Variants in TECR observed in about 807,000 individuals in gnomAD.
TECR encodes trans-2,3-enoyl-CoA reductase.
TECR carries 19 observed loss-of-function variants against 50.6 expected under a neutral mutation model. That is an observed-to-expected ratio of 0.38 (90% CI 0.26 to 0.55). The LOEUF (loss-of-function observed/expected upper bound fraction) is 0.55. TECR is among the 20% of genes least tolerant of loss of function. The pLI is 0.79. For synonymous variants in TECR, 168 were observed against 163.5 expected (o/e 1.03, Z -0.21); for missense variants, 313 against 408.3 (o/e 0.77, Z 2.01).
chr19:14,544,930 G>T (rs2073248889), intron 1 of TECR, among the ~76,000 whole-genome samples: 1 of 152,074 alleles, frequency 6.6e-6, no homozygotes, highest in African/African-American at 2.4e-5. Context: ...ACCATGCCCA[G>T]CACGTGGCTT....
chr19:14,562,995 G>A lies in TECR; in HGVS notation c.67-211G>A, dbSNP rs1049024450. The A allele has an allele frequency of 6.4e-6, 4 of 627,790 alleles. No individual in the cohort carries two copies. In the Admixed American group the frequency reaches 1.2e-4, roughly 18 times the overall value. 38.9% of individuals were successfully genotyped at this position (627,790 alleles called of 1,614,324 possible). On this transcript the variant is annotated intron_variant, in intron 2 of 12. Transcript: ENST00000215567. ...CCGGGCTGGGGGCCTGCTGGCTGAG[G>A]GTAAAAGTGGAGCCCCAGACCCCTG...
At chr19:14,551,645 C>T (rs2073509669) in intron 1 of TECR, among the ~76,000 whole-genome samples, 1 of 152,000 alleles carries the variant, frequency 6.6e-6, no homozygotes, top group Non-Finnish European at 1.5e-5. Flanking sequence ...AGCTGTAAAC[C>T]CTGCCTGGGC....
chr19:14,563,203 C>T lies in TECR; in HGVS notation c.67-3C>T. The T allele has an allele frequency of 6.2e-7, 1 of 1,614,014 alleles. No individual in the cohort carries two copies. Among genetic ancestry groups the T allele is most frequent in the Non-Finnish European group, 8.5e-7 (1 of 1,179,928 alleles). On this transcript the variant is annotated splice_polypyrimidine_tract_variant and splice_region_variant and intron_variant, in intron 2 of 12. Transcript: ENST00000215567. The surrounding 1 kb of genome is among the most constrained non-coding windows in gnomAD (Gnocchi z 5.3). ...GACGTCCCTGCGCCTGTGCTTCCCC[C>T]AGGTGGAGCCCCACGCCACCATTGC...
rs1335600143 is a variant in TECR at position 14,562,590 on chromosome 19, T to G, written c.66+15T>G. The G allele has an allele frequency of 1.2e-6, 2 of 1,614,066 alleles. No homozygotes were observed. The highest frequency in any genetic ancestry group is 1.7e-6 in the Non-Finnish European group (2 of 1,179,962). On this transcript the variant is annotated intron_variant, in intron 2 of 12. Transcript: ENST00000215567. ...TCTTGGACAAGGTAGGACTGGGGCGTGGGCTGCACTGGGCCAAGGGCACTG... is the reference window on the plus strand; with the variant it reads ...TCTTGGACAAGGTAGGACTGGGGCGGGGGCTGCACTGGGCCAAGGGCACTG...
intron 1 of TECR, among the ~76,000 whole-genome samples, chr19:14,549,870 C>T (rs1457726380): frequency 6.6e-6 from 1 of 151,662 alleles, no homozygotes; most frequent in African/African-American, 2.4e-5. Flanking sequence ...TGGAACTCGG[C>T]ATGCGGAGGT....
chr19:14,556,413 A>AAAAAACAAAAACAAAAAC (rs71166757), intron 1 of TECR, among the ~76,000 whole-genome samples: 9 of 86,514 alleles, frequency 1.0e-4, no homozygotes, highest in African/African-American at 1.9e-4. Flanking sequence ...TCTCTCAAAA[A>AAAAAACAAAAACAAAAAC]AAAAACAAAA....
chr19:14,563,162 G>T lies in TECR; in HGVS notation c.67-44G>T, dbSNP rs373146902. 1.3e-5 allele frequency: 21 copies of T among 1,613,658 alleles called. No individual in the cohort carries two copies. In the African/African-American group the frequency reaches 2.5e-4, roughly 19 times the overall value. ...TTAGTACCTCCCCATCCTGAGTCTG[G>T]GCTCCCCGCAGAGCTGACGTCCCTG... is the stretch of plus-strand genomic sequence containing the variant. On this transcript the variant is annotated intron_variant, in intron 2 of 12. Coordinates refer to ENST00000215567, the MANE Select transcript of TECR (RefSeq NM_138501.6). This position sits in a 1 kb window ranked among gnomAD's most constrained non-coding sequence, Gnocchi z 5.3.
rs2073960178 is a variant in TECR, at chr19:14,563,308, C to T, written c.118+51C>T. 3 of 1,528,934 alleles carry T rather than the reference C, an allele frequency of 2.0e-6. No homozygotes were observed. The highest frequency in any genetic ancestry group is 2.7e-6 in the Non-Finnish European group (3 of 1,106,306). 94.7% of individuals were successfully genotyped at this position (1,528,934 alleles called of 1,614,324 possible). ...CCCCTGCAACCCCTTTGACCAGGGA[C>T]CTTAGGGTGGGAGGGATCCCATCCT... On this transcript the variant is annotated intron_variant, in intron 3 of 12. Coordinates refer to ENST00000215567, the MANE Select transcript of TECR (RefSeq NM_138501.6). The surrounding 1 kb of genome is among the most constrained non-coding windows in gnomAD (Gnocchi z 5.3).
chr19:14,547,588 C>T (rs2073348216), intron 1 of TECR, among the ~76,000 whole-genome samples: 1 of 152,012 alleles, frequency 6.6e-6, no homozygotes, highest in African/African-American at 2.4e-5. Flanking sequence ...TCTCAAACTC[C>T]TGACCTCAGG....
At chr19:14,562,152 C>T in intron 1 of TECR, 1 of 576,882 alleles carries the variant, frequency 1.7e-6, no homozygotes, top group Non-Finnish European at 3.1e-6. Flanking sequence ...GGGGCGCAGT[C>T]TGGGGTGGTT....
chr19:14,562,708 G>C (rs2073938798), intron 2 of TECR, 133 bp downstream of exon 2: 2 of 1,012,534 alleles, frequency 2.0e-6, no homozygotes, highest in South Asian at 2.6e-5. Context: ...GCCCTCACTT[G>C]GGGTAGGGTG....
chr19:14,529,544 G>T, upstream of TECR: 3 of 1,141,746 alleles, frequency 2.6e-6, no homozygotes, highest in Non-Finnish European at 3.9e-6. Flanking sequence ...TGCCCTGATT[G>T]GCCGACGGGG....
At chr19:14,537,834 C>T (rs11670737) in intron 1 of TECR, among the ~76,000 whole-genome samples, 49,507 of 151,006 alleles carry the variant, frequency 0.33, 8,771 homozygotes, top group Non-Finnish European at 0.41. Context: ...GCACCTCCGC[C>T]TCCCGGGTTC....
At chr19:14,551,946 C>CT (rs2073530151) in intron 1 of TECR, among the ~76,000 whole-genome samples, 1 of 71,242 alleles carries the variant, frequency 1.4e-5, no homozygotes, top group Non-Finnish European at 2.5e-5. Context: ...TCCCTCCCTC[C>CT]CTCTCTCTCT....
intron 1 of TECR, among the ~76,000 whole-genome samples, chr19:14,540,752 C>G (rs563347534): frequency 6.6e-6 from 1 of 152,284 alleles, no homozygotes; most frequent in African/African-American, 2.4e-5. Flanking sequence ...TGGCCTCGAA[C>G]TCTTGATCTT....
chr19:14,547,332 C>T (rs1375790909), intron 1 of TECR, among the ~76,000 whole-genome samples: 2 of 150,390 alleles, frequency 1.3e-5, no homozygotes, highest in Non-Finnish European at 3.0e-5. Context: ...GCGTGAGCCA[C>T]CGTACCTGGC....
At chr19:14,536,529 C>T (rs2072905360) in intron 1 of TECR, 1 of 152,162 alleles carries the variant, frequency 6.6e-6, no homozygotes, top group Non-Finnish European at 1.5e-5. Flanking sequence ...CTTGGCCTCC[C>T]AGAGTGTTGG....
chr19:14,550,860 C>T (rs1291022136), intron 1 of TECR, among the ~76,000 whole-genome samples: 1 of 151,746 alleles, frequency 6.6e-6, no homozygotes, highest in Non-Finnish European at 1.5e-5. Flanking sequence ...TTTGTAGAGA[C>T]AGGGTTTCAC....
chr19:14,563,871 C>A lies in TECR; in HGVS notation c.235C>A (p.Arg79=). ...PVGTTATLYF[R]DLGAQISWVT... Reference sequence around the variant, plus strand: ...GGGCACCACGGCCACACTGTACTTCCGGGACCTGGGGGCCCAGATCAGCTG... The same window carrying A: ...GGGCACCACGGCCACACTGTACTTCAGGGACCTGGGGGCCCAGATCAGCTG... Residue 79 remains arginine, a synonymous_variant, in exon 5 of 13, where the codon CGG becomes AGG. Coordinates refer to ENST00000215567, the MANE Select transcript of TECR (RefSeq NM_138501.6). The surrounding 1 kb of genome is among the most constrained non-coding windows in gnomAD (Gnocchi z 5.3). The A allele has an allele frequency of 6.2e-7, 1 of 1,614,056 alleles. No homozygotes were observed. The highest frequency in any genetic ancestry group is 1.1e-5 in the South Asian group (1 of 91,086).
Sources: gnomAD v4.1 joint callset for allele counts (sites outside exome capture counted in the v4.1 genomes callset) on GRCh38, gnomAD v4.1.1 for gene constraint, Gnocchi (gnomAD v3.1) non-coding constraint, MANE v1.5 for transcripts, NCBI Gene and HGNC (gene_info 2026-07-23, HGNC 2026-07-21) for gene names.